SLC25A48: variants seen among roughly 807,000 people sequenced by gnomAD.
The protein encoded by SLC25A48 is CTC-321K16.1.
In SLC25A48, 29 loss-of-function variants were observed where a neutral mutation model predicts 32.2. The ratio of observed to expected loss-of-function variants is 0.90; its 90% CI spans 0.67 to 1.23. The LOEUF (loss-of-function observed/expected upper bound fraction) is 1.23. Ranked by LOEUF, SLC25A48 falls within the 50% of genes most tolerant of loss-of-function variation. SLC25A48 has a pLI of 0.00. For missense variants in SLC25A48, 399 were observed against 422.7 expected (o/e 0.94, Z 0.49); for synonymous variants, 164 against 172.3 (o/e 0.95, Z 0.38).
At chr5:135,655,638 T>G (rs1753227866) in intron 3 of SLC25A48, among the ~76,000 whole-genome samples, 1 of 152,202 alleles carries the variant, frequency 6.6e-6, no homozygotes, top group Non-Finnish European at 1.5e-5. Flanking sequence ...GTGCAAATCT[T>G]TTCACTCAGA....
intron 3 of SLC25A48, among the ~76,000 whole-genome samples, chr5:135,682,307 G>T (rs145185674): frequency 6.6e-6 from 1 of 152,134 alleles, no homozygotes; most frequent in African/African-American, 2.4e-5. Context: ...GGATTTTTTT[G>T]TTGTGTTGCT....
At chr5:135,639,995 A>G (rs979226487) in intron 3 of SLC25A48, among the ~76,000 whole-genome samples, 3 of 152,236 alleles carry the variant, frequency 2.0e-5, no homozygotes, top group African/African-American at 4.8e-5. Context: ...TTAGCAGACA[A>G]GGAATTAAAA....
At chr5:135,581,020 C>T (rs1009548171) in intron 1 of SLC25A48, among the ~76,000 whole-genome samples, 2 of 152,162 alleles carry the variant, frequency 1.3e-5, no homozygotes, top group African/African-American at 4.8e-5. Context: ...TAGGGACTAG[C>T]TGTGTGACTT....
At chr5:135,749,283 A>C (rs1164492510) in intron 3 of SLC25A48, among the ~76,000 whole-genome samples, 1 of 149,330 alleles carries the variant, frequency 6.7e-6, no homozygotes, top group Non-Finnish European at 1.5e-5. Flanking sequence ...AGTGTTCCAC[A>C]CACAAAAAAA....
intron 3 of SLC25A48, among the ~76,000 whole-genome samples, chr5:135,694,027 C>T (rs1050173223): frequency 6.6e-6 from 1 of 152,076 alleles, no homozygotes; most frequent in Non-Finnish European, 1.5e-5. Flanking sequence ...TGAGGGTGTG[C>T]CTGGTGAGCT....
intron 3 of SLC25A48, among the ~76,000 whole-genome samples, chr5:135,747,265 C>CTA (rs552911728): frequency 6.6e-6 from 1 of 150,400 alleles, no homozygotes; most frequent in Non-Finnish European, 1.5e-5. Context: ...TATATGATAT[C>CTA]TATATATATA....
At chr5:135,752,491 C>G (rs1271458108) in intron 3 of SLC25A48, among the ~76,000 whole-genome samples, 1 of 152,222 alleles carries the variant, frequency 6.6e-6, no homozygotes, top group Non-Finnish European at 1.5e-5. Context: ...TGTACACCCA[C>G]TGTGATATCT....
At chr5:135,606,404 T>G (rs1240714657) in intron 1 of SLC25A48, among the ~76,000 whole-genome samples, 1 of 152,230 alleles carries the variant, frequency 6.6e-6, no homozygotes, top group Non-Finnish European at 1.5e-5. Flanking sequence ...TTATATCACA[T>G]TTTTAATCCT....
chr5:135,793,415 A>G (rs1364525775), intron 3 of SLC25A48, among the ~76,000 whole-genome samples: 2 of 151,770 alleles, frequency 1.3e-5, no homozygotes, highest in South Asian at 4.2e-4. Context: ...TCTTAATGTT[A>G]CAGTTTGTTT....
chr5:135,593,767 T>G (rs1751581833), intron 1 of SLC25A48, among the ~76,000 whole-genome samples: 1 of 152,242 alleles, frequency 6.6e-6, no homozygotes, highest in African/African-American at 2.4e-5. Flanking sequence ...GATGGACCTT[T>G]GAAGTCTGAT....
intron 3 of SLC25A48, among the ~76,000 whole-genome samples, chr5:135,692,752 C>T (rs779129889): frequency 6.6e-5 from 10 of 152,122 alleles, no homozygotes; most frequent in Non-Finnish European, 1.5e-4. Context: ...ATGCAGCCAT[C>T]CATGGTGATG....
rs377378296 is a variant in SLC25A48 at position 135,850,700 on chromosome 5, C to A, written c.162+204C>A. ...CACCCCTGCCACTACCACAGCATAA[C>A]TGAGGAAAAACTCCAGTTGTGTGTA... On this transcript the variant is annotated intron_variant, in intron 3 of 7. Transcript: ENST00000681962. 4.5e-4 allele frequency among the ~76,000 whole-genome samples: 68 copies of A among 152,352 alleles called. 1 individual carries two copies. The South Asian group carries it at 0.014, about 31-fold the overall frequency.
At chr5:135,766,043 C>T (rs1756214211) in intron 3 of SLC25A48, among the ~76,000 whole-genome samples, 1 of 151,196 alleles carries the variant, frequency 6.6e-6, no homozygotes, top group Non-Finnish European at 1.5e-5. Flanking sequence ...TGTGCACCTC[C>T]CCCAAGGATA....
At chr5:135,710,104 TC>T (rs1349478069) in intron 3 of SLC25A48, among the ~76,000 whole-genome samples, 1 of 152,192 alleles carries the variant, frequency 6.6e-6, no homozygotes, top group African/African-American at 2.4e-5. Context: ...CAACAGGAAG[TC>T]CCCTTTCACT....
intron 3 of SLC25A48, among the ~76,000 whole-genome samples, chr5:135,758,463 T>C (rs908898470): frequency 1.3e-5 from 2 of 150,938 alleles, no homozygotes; most frequent in South Asian, 2.1e-4. Flanking sequence ...GAATATGATC[T>C]CTATGATATC....
At position 135,874,061 on chromosome 5, in the gene SLC25A48, G is replaced by C; in HGVS notation, c.720G>C (p.Val240=). 6.5e-7 allele frequency: 1 copy of C among 1,531,462 alleles called. No homozygotes were observed. Among genetic ancestry groups the C allele is most frequent in the South Asian group, 1.2e-5 (1 of 83,398 alleles). 94.9% of individuals were successfully genotyped at this position (1,531,462 alleles called of 1,614,324 possible). The part of the protein sequence containing the change: ...SWGTATPMDV[V]KSRLQADGVY... The stretch of plus-strand genomic sequence containing the variant: ...GGACAGCGACTCCTATGGATGTCGT[G>C]AAAAGTCGACTCCAAGCTGATGGGG... The change falls in exon 6 of 8, where the codon GTG becomes GTC. Residue 240 remains valine (V), a synonymous_variant. Transcript: ENST00000681962.
intron 4 of SLC25A48, among the ~76,000 whole-genome samples, chr5:135,855,457 G>C (rs1760235427): frequency 6.6e-6 from 1 of 152,170 alleles, no homozygotes; most frequent in African/African-American, 2.4e-5. Flanking sequence ...CTGTGAGGCA[G>C]ATGCTGCTAT....
chr5:135,830,958 C>T (rs900825769), upstream of SLC25A48, among the ~76,000 whole-genome samples: 42 of 152,098 alleles, frequency 2.8e-4, no homozygotes, highest in African/African-American at 9.7e-5. Flanking sequence ...AGCAGGGGTG[C>T]CTTGAGAGAG....
chr5:135,790,873 G>A (rs4976455), intron 3 of SLC25A48, among the ~76,000 whole-genome samples: 99,053 of 151,518 alleles, frequency 0.65, 34,372 homozygotes, highest in Non-Finnish European at 0.78. Context: ...GATATTATTC[G>A]TAATATCCTA....
Sources: allele counts gnomAD v4.1 joint callset (sites outside exome capture counted in the v4.1 genomes callset), GRCh38; gene constraint gnomAD v4.1.1; transcripts MANE v1.5; gene names NCBI Gene and HGNC (gene_info 2026-07-23, HGNC 2026-07-21).